ANO6: variants seen among roughly 807,000 people sequenced by gnomAD.
ANO6 encodes anoctamin-6.
A neutral mutation model predicts 117.5 loss-of-function variants in ANO6; 106 were observed. That is an observed-to-expected ratio of 0.90 (90% CI 0.77 to 1.06). ANO6 has a LOEUF of 1.06. ANO6 is among the 50% of genes least tolerant of loss of function. The pLI is 0.00. For missense variants in ANO6, 955 were observed against 1,121.1 expected (o/e 0.85, Z 2.12); for synonymous variants, 367 against 385.1 (o/e 0.95, Z 0.55).
chr12:45,217,564 A>C (rs3759081), intron 1 of ANO6, among the ~76,000 whole-genome samples: 8,743 of 152,286 alleles, frequency 0.057, 489 homozygotes, highest in East Asian at 0.3. Context: ...TTTAAGAACA[A>C]TTTACTAGTT....
intron 15 of ANO6, among the ~76,000 whole-genome samples, chr12:45,408,641 C>A (rs1189686102): frequency 6.6e-6 from 1 of 152,138 alleles, no homozygotes; most frequent in Non-Finnish European, 1.5e-5. Context: ...GGAATTGGAC[C>A]TATTTTATCT....
At chr12:45,359,804 A>G (rs549473476) in intron 8 of ANO6, among the ~76,000 whole-genome samples, 5 of 152,364 alleles carry the variant, frequency 3.3e-5, no homozygotes, top group African/African-American at 9.6e-5. Context: ...AGAATATAAC[A>G]AAGAATGGAA....
chr12:45,311,560 A>G (rs1939851980), intron 2 of ANO6, among the ~76,000 whole-genome samples: 1 of 152,134 alleles, frequency 6.6e-6, no homozygotes, highest in Non-Finnish European at 1.5e-5. Context: ...CAAGAACATG[A>G]CAGCAAGATT....
At chr12:45,360,833 T>C (rs1941536397) in intron 8 of ANO6, among the ~76,000 whole-genome samples, 1 of 152,258 alleles carries the variant, frequency 6.6e-6, no homozygotes, top group Non-Finnish European at 1.5e-5. Flanking sequence ...GCACCGTTTT[T>C]GAAAAGACTG....
intron 8 of ANO6, among the ~76,000 whole-genome samples, chr12:45,360,891 A>G (rs1188658611): frequency 6.6e-6 from 1 of 152,224 alleles, no homozygotes; most frequent in Non-Finnish European, 1.5e-5. Context: ...CAGTTGGCCA[A>G]AAATTTAAGA....
chr12:45,283,845 T>C (rs969820804), intron 1 of ANO6, among the ~76,000 whole-genome samples: 2 of 152,204 alleles, frequency 1.3e-5, no homozygotes, highest in African/African-American at 4.8e-5. Context: ...ATCACTGTTA[T>C]TCCAGCCTGG....
rs191531721 is a variant in ANO6 at position 45,326,342 on chromosome 12, C to G, written c.151-4953C>G. Among the ~76,000 whole-genome samples the G allele has an allele frequency of 2.9e-4, 44 of 152,234 alleles. 1 individual carries two copies. Among genetic ancestry groups the G allele is most frequent in the Admixed American group, 2.9e-3 (44 of 15,290 alleles). Reference sequence around the variant, plus strand: ...TATAGCCATTTACTTATATAAAACACAAGACTGTTTTTTAAGAATTTCTAC... The same window carrying G: ...TATAGCCATTTACTTATATAAAACAGAAGACTGTTTTTTAAGAATTTCTAC... On this transcript the variant is annotated intron_variant, in intron 2 of 19. Transcript: ENST00000320560.
intron 1 of ANO6, among the ~76,000 whole-genome samples, chr12:45,269,028 G>T (rs1006586001): frequency 1.3e-5 from 2 of 152,192 alleles, no homozygotes; most frequent in Admixed American, 1.3e-4. Context: ...CATTGGATTT[G>T]CAGACCCTCC....
chr12:45,254,231 G>A (rs1165868550), intron 1 of ANO6, among the ~76,000 whole-genome samples: 1 of 152,202 alleles, frequency 6.6e-6, no homozygotes, highest in African/African-American at 2.4e-5. Context: ...CAGAGAGAAG[G>A]CAGTAGAGAA....
chr12:45,397,174 A>G (rs1483385309), intron 12 of ANO6, among the ~76,000 whole-genome samples: 1 of 152,214 alleles, frequency 6.6e-6, no homozygotes, highest in Non-Finnish European at 1.5e-5. Flanking sequence ...AAAAGTGGGC[A>G]AAGCATATGA....
chr12:45,362,551 T>C (rs1009135432), intron 8 of ANO6, among the ~76,000 whole-genome samples: 3 of 152,144 alleles, frequency 2.0e-5, no homozygotes. Flanking sequence ...ACTCATGAAG[T>C]AGGAGTTAAA....
intron 1 of ANO6, among the ~76,000 whole-genome samples, chr12:45,239,801 A>C (rs1342272790): frequency 6.6e-6 from 1 of 152,160 alleles, no homozygotes; most frequent in Non-Finnish European, 1.5e-5. Flanking sequence ...ATTCAGGAGC[A>C]GGTTGTTCAG....
Position 45,378,009 on chromosome 12 carries a change from A to C in ANO6, c.1105-44A>C, listed in dbSNP as rs147456368. 309 of 1,529,758 alleles carry C rather than the reference A, an allele frequency of 2.0e-4. 2 individuals carry two copies. The highest frequency in any genetic ancestry group is 2.7e-4 in the South Asian group (24 of 89,288). 94.8% of individuals were successfully genotyped at this position (1,529,758 alleles called of 1,614,324 possible). A position where few individuals can be genotyped will look rare whatever the true frequency, so the allele number is the denominator to read the frequency against. On this transcript the variant is annotated intron_variant, in intron 9 of 19. Transcript: ENST00000320560. ...CATTTCATATTTACTGAATCCTAAT[A>C]AGTGGAGGATATGACTCATTTATAT...
chr12:45,348,510 C>T lies in ANO6; in HGVS notation c.634-8C>T. 1 of 1,610,308 alleles carries T rather than the reference C, an allele frequency of 6.2e-7. No individual in the cohort carries two copies. ...TAAACCGCATACTCTATTTTGGAAT[C>T]TTTTTAGGTTTACTTCATCCTCTCT... On this transcript the variant is annotated splice_polypyrimidine_tract_variant and splice_region_variant and intron_variant, in intron 5 of 19. Coordinates refer to ENST00000320560, the MANE Select transcript of ANO6 (RefSeq NM_001025356.3).
chr12:45,323,592 A>G (rs1050267664), intron 2 of ANO6, among the ~76,000 whole-genome samples: 1 of 152,212 alleles, frequency 6.6e-6, no homozygotes, highest in Non-Finnish European at 1.5e-5. Flanking sequence ...ATTGCCTTGC[A>G]TGCATCATCT....
chr12:45,415,402 TG>T (rs1420914656), intron 16 of ANO6, among the ~76,000 whole-genome samples: 2 of 152,242 alleles, frequency 1.3e-5, no homozygotes, highest in Admixed American at 1.3e-4. Flanking sequence ...TCTGGCAACA[TG>T]GAGCCCTCAT....
At chr12:45,435,315 C>T (rs1020615137), downstream of ANO6, among the ~76,000 whole-genome samples, 3 of 152,242 alleles carry the variant, frequency 2.0e-5, no homozygotes, top group African/African-American at 7.2e-5. Context: ...ACTTTAGCTG[C>T]TGCACCTAAT....
At chr12:45,377,392 T>C (rs1942057098) in intron 9 of ANO6, among the ~76,000 whole-genome samples, 1 of 152,180 alleles carries the variant, frequency 6.6e-6, no homozygotes, top group Non-Finnish European at 1.5e-5. Flanking sequence ...AATAAAGCCT[T>C]ATTTGGCCAG....
intron 3 of ANO6, among the ~76,000 whole-genome samples, chr12:45,339,808 G>A (rs993383439): frequency 2.0e-5 from 3 of 151,902 alleles, no homozygotes; most frequent in South Asian, 2.1e-4. Context: ...TTGCGTTTTT[G>A]TAGGTTAAAA....
Sources: allele counts gnomAD v4.1 joint callset (sites outside exome capture counted in the v4.1 genomes callset), GRCh38; gene constraint gnomAD v4.1.1; transcripts MANE v1.5; gene names NCBI Gene and HGNC (gene_info 2026-07-23, HGNC 2026-07-21).